Variants in PTPRQ observed in about 807,000 individuals in gnomAD.
PTPRQ encodes phosphatidylinositol phosphatase PTPRQ.
A neutral mutation model predicts 246.0 loss-of-function variants in PTPRQ; 199 were observed. The ratio of observed to expected loss-of-function variants is 0.81; its 90% CI spans 0.72 to 0.91. The LOEUF is 0.91. PTPRQ is among the 40% of genes least tolerant of loss of function. The pLI is 0.00. For synonymous variants in PTPRQ, 869 were observed against 853.2 expected, an observed-to-expected ratio of 1.02 and a Z score of -0.32; for missense variants, 2,624 against 2,528.4, an observed-to-expected ratio of 1.04 and a Z score of -0.81.
intron 20 of PTPRQ, 146 bp from the exon 21 acceptor site, chr12:80,541,409 G>T (rs1242814501): frequency 4.1e-6 from 2 of 485,076 alleles, no homozygotes; most frequent in Non-Finnish European, 6.7e-6. Flanking sequence ...TTTTATAATA[G>T]GTGAATGTTT....
chr12:80,517,845 C>A (rs567786111), intron 17 of PTPRQ, among the ~76,000 whole-genome samples: 25 of 152,176 alleles, frequency 1.6e-4, no homozygotes, highest in African/African-American at 6.0e-4. Flanking sequence ...TACTCCATTG[C>A]GTATAGATGT....
intron 30 of PTPRQ, among the ~76,000 whole-genome samples, chr12:80,616,689 A>G (rs1241525250): frequency 2.0e-5 from 3 of 151,184 alleles, no homozygotes; most frequent in Non-Finnish European, 4.4e-5. Context: ...TTAATTAAAT[A>G]GTGTTTTTTG....
intron 3 of PTPRQ, among the ~76,000 whole-genome samples, chr12:80,455,239 G>C (rs1382996354): frequency 6.6e-6 from 1 of 152,126 alleles, no homozygotes; most frequent in Non-Finnish European, 1.5e-5. Flanking sequence ...ACTTTATAAA[G>C]TGTCTTTATA....
chr12:80,544,824 C>T (rs533465414), intron 23 of PTPRQ, among the ~76,000 whole-genome samples: 1 of 151,894 alleles, frequency 6.6e-6, no homozygotes, highest in East Asian at 1.9e-4. Flanking sequence ...ATTATGTGTG[C>T]ATTTGTGGAG....
At chr12:80,512,814 T>C (rs190104284) in intron 17 of PTPRQ, 5 of 152,298 alleles carry the variant, frequency 3.3e-5, no homozygotes, top group Admixed American at 6.5e-5. Flanking sequence ...TTATCTCATT[T>C]TCTGAGGTAG....
intron 8 of PTPRQ, among the ~76,000 whole-genome samples, chr12:80,475,510 G>T (rs1252782163): frequency 6.6e-6 from 1 of 151,992 alleles, no homozygotes; most frequent in East Asian, 1.9e-4. Flanking sequence ...TGAGTTGTGT[G>T]TTTGATTTTC....
Position 80,506,185 on chromosome 12 carries a change from T to C in PTPRQ, c.2434T>C (p.Ser812Pro). 1 of 1,494,108 alleles carries C rather than the reference T, an allele frequency of 6.7e-7. No individual in the cohort carries two copies. The highest frequency in any genetic ancestry group is 8.9e-7 in the Non-Finnish European group (1 of 1,125,524). 92.6% of individuals were successfully genotyped at this position (1,494,108 alleles called of 1,614,324 possible). ...TGAGGAAAGAACTATAAATACAACC[T>C]CTTTAACCCAAAACATTAAAGGTAA... ...GNEERTINTT[S>P]LTQNIKVLKK... The change falls in exon 15 of 45, where the codon TCT becomes CCT. Residue 812 changes from serine (S) to proline (P), a missense_variant. Transcript: ENST00000644991.
intron 26 of PTPRQ, among the ~76,000 whole-genome samples, chr12:80,597,684 T>G (rs1050825068): frequency 2.0e-5 from 3 of 152,100 alleles, no homozygotes; most frequent in Non-Finnish European, 4.4e-5. Context: ...TCAAATGGCA[T>G]GTCGACGTTA....
At chr12:80,489,656 A>G (rs771204872) in intron 9 of PTPRQ, among the ~76,000 whole-genome samples, 19 of 151,960 alleles carry the variant, frequency 1.3e-4, no homozygotes, top group Admixed American at 7.2e-4. Context: ...TGGAGTTTGA[A>G]TGGAGCCAAA....
At chr12:80,447,007 A>G (rs1353100752) in intron 3 of PTPRQ, among the ~76,000 whole-genome samples, 5 of 151,928 alleles carry the variant, frequency 3.3e-5, no homozygotes, top group Admixed American at 3.3e-4. Flanking sequence ...TTTCTCATAG[A>G]GGTTACATTT....
At chr12:80,675,633 A>G (rs1901111788) in intron 43 of PTPRQ, among the ~76,000 whole-genome samples, 1 of 152,202 alleles carries the variant, frequency 6.6e-6, no homozygotes, top group South Asian at 2.1e-4. Flanking sequence ...CATGCTCTGC[A>G]ACTTTGTAGA....
At chr12:80,515,490 G>A (rs1592603109) in intron 17 of PTPRQ, among the ~76,000 whole-genome samples, 3 of 150,620 alleles carry the variant, frequency 2.0e-5, no homozygotes, top group Non-Finnish European at 4.4e-5. Flanking sequence ...GCGCCATCTT[G>A]GCTCACTGCA....
intron 2 of PTPRQ, 146 bp downstream of exon 2, chr12:80,444,995 C>G (rs1892509900): frequency 1.1e-6 from 1 of 922,836 alleles, no homozygotes; most frequent in Non-Finnish European, 1.5e-6. Context: ...AGAAAGTGAT[C>G]TGCTTAGAAC....
chr12:80,661,052 C>G (rs1900612599), intron 39 of PTPRQ, among the ~76,000 whole-genome samples: 1 of 151,698 alleles, frequency 6.6e-6, no homozygotes, highest in Admixed American at 6.6e-5. Flanking sequence ...TACTATCAAT[C>G]CTTCAATATG....
chr12:80,601,883 G>A (rs1181023021), intron 26 of PTPRQ, among the ~76,000 whole-genome samples: 2 of 151,678 alleles, frequency 1.3e-5, no homozygotes, highest in African/African-American at 4.8e-5. Flanking sequence ...GTTTTCCTAG[G>A]ACCATAAAGC....
chr12:80,656,314 A>T (rs1166281189), intron 38 of PTPRQ, among the ~76,000 whole-genome samples: 1 of 152,138 alleles, frequency 6.6e-6, no homozygotes, highest in Non-Finnish European at 1.5e-5. Flanking sequence ...ATAAGCTTTC[A>T]TGTAAATTTT....
rs1251742515 is a variant in PTPRQ at position 80,588,271 on chromosome 12, A to G, written c.4428A>G (p.Glu1476=). The G allele has an allele frequency of 3.2e-6, 5 of 1,551,524 alleles. No homozygotes were observed. The Admixed American group carries it at 5.9e-5, about 18-fold the overall frequency. The change falls in exon 26 of 45, where the codon GAA becomes GAG. Residue 1476 remains glutamate, a synonymous_variant. Coordinates refer to ENST00000644991, the MANE Select transcript of PTPRQ (RefSeq NM_001145026.2). The part of the protein sequence containing the change: ...TTQLRAQKCK[E]WESEECVEYQ... ...AACTTCGTGCTCAAAAATGCAAAGA[A>G]TGGGAATCCGAAGAATGTGTTGAAT...
intron 25 of PTPRQ, among the ~76,000 whole-genome samples, chr12:80,555,106 G>T (rs1896607087): frequency 6.6e-6 from 1 of 152,078 alleles, no homozygotes; most frequent in Non-Finnish European, 1.5e-5. Context: ...GTAGAGACAG[G>T]GTTTCACCAT....
At chr12:80,614,321 A>G (rs1446603501) in intron 29 of PTPRQ, among the ~76,000 whole-genome samples, 1 of 150,832 alleles carries the variant, frequency 6.6e-6, no homozygotes, top group Non-Finnish European at 1.5e-5. Context: ...ACAGAAATGT[A>G]TGCATGAGTT....
Sources: gnomAD v4.1 joint callset for allele counts (sites outside exome capture counted in the v4.1 genomes callset) on GRCh38, gnomAD v4.1.1 for gene constraint, MANE v1.5 for transcripts, NCBI Gene and HGNC (gene_info 2026-07-23, HGNC 2026-07-21) for gene names.